Variants in NCAM1 observed in about 807,000 individuals in gnomAD.
NCAM1 encodes neural cell adhesion molecule 1.
In NCAM1, 14 loss-of-function variants were observed where a neutral mutation model predicts 109.8. The observed-to-expected ratio is 0.13, with a 90% CI of 0.08 to 0.20. The LOEUF (loss-of-function observed/expected upper bound fraction) is 0.20, where lower values mean the gene tolerates loss of function less well. Among genes scored for constraint, NCAM1 ranks in the 10% least tolerant of loss-of-function variants. The pLI is 1.00. For missense variants in NCAM1, 774 were observed against 1,109.9 expected, an observed-to-expected ratio of 0.70 and a Z score of 4.30; for synonymous variants, 418 against 442.9, an observed-to-expected ratio of 0.94 and a Z score of 0.70.
chr11:113,271,249 A>G (rs1365078268), intron 18 of NCAM1, among the ~76,000 whole-genome samples: 4 of 151,894 alleles, frequency 2.6e-5, no homozygotes, highest in Admixed American at 2.6e-4. Flanking sequence ...ATGCTCCTGT[A>G]ATCCCAGCTA....
chr11:113,182,096 C>A (rs1472293360), intron 1 of NCAM1, among the ~76,000 whole-genome samples: 1 of 152,166 alleles, frequency 6.6e-6, no homozygotes, highest in African/African-American at 2.4e-5. Context: ...ACACAACTTA[C>A]TGTCCTCAGA....
intron 1 of NCAM1, among the ~76,000 whole-genome samples, chr11:113,135,444 T>TG (rs574221659): frequency 9.1e-4 from 138 of 152,256 alleles, no homozygotes; most frequent in Non-Finnish European, 1.7e-3. Context: ...TGCGATGTGT[T>TG]GAGCCCTTGT....
chr11:113,221,435 A>C, intron 9 of NCAM1, 110 bp downstream of exon 9: 1 of 1,184,150 alleles, frequency 8.4e-7, no homozygotes, highest in Non-Finnish European at 1.2e-6. Context: ...AATTTAGCTA[A>C]AGAATAGGTC....
At chr11:113,040,023 C>A (rs1210112211) in intron 1 of NCAM1, among the ~76,000 whole-genome samples, 1 of 152,116 alleles carries the variant, frequency 6.6e-6, no homozygotes, top group African/African-American at 2.4e-5. Flanking sequence ...CGCCTGTAGT[C>A]CCAGCTACTC....
chr11:113,138,925 C>T (rs1555099932), intron 1 of NCAM1, among the ~76,000 whole-genome samples: 1 of 152,222 alleles, frequency 6.6e-6, no homozygotes, highest in African/African-American at 2.4e-5. Context: ...CCCGACTCAT[C>T]ACAGATGGCC....
intron 1 of NCAM1, among the ~76,000 whole-genome samples, chr11:113,169,524 G>A (rs904394607): frequency 2.0e-5 from 3 of 151,994 alleles, no homozygotes; most frequent in Non-Finnish European, 4.4e-5. Context: ...TATTGTTTAG[G>A]CTCTTGAGTG....
At position 112,962,650 on chromosome 11, in the gene NCAM1, G is replaced by A. The variant is rs1187296436; in HGVS notation, c.52+986G>A. 2.0e-5 allele frequency among the ~76,000 whole-genome samples: 3 copies of A among 152,132 alleles called. No homozygotes were observed. The highest frequency in any genetic ancestry group is 7.2e-5 in the African/African-American group (3 of 41,436). Reference sequence around the variant, plus strand: ...CGCGGGTGGCGGGGGTTGCGCCGCCGCCCAGAGAACCTCGGCAGTGTGCAG... The same window carrying A: ...CGCGGGTGGCGGGGGTTGCGCCGCCACCCAGAGAACCTCGGCAGTGTGCAG... On this transcript the variant is annotated intron_variant, in intron 1 of 19. Coordinates refer to ENST00000316851, the MANE Select transcript of NCAM1 (RefSeq NM_181351.5). The surrounding 1 kb of genome is among the most constrained non-coding windows in gnomAD (Gnocchi z 5.6).
At chr11:113,076,128 G>A (rs939008192) in intron 1 of NCAM1, among the ~76,000 whole-genome samples, 10 of 152,108 alleles carry the variant, frequency 6.6e-5, no homozygotes, top group Admixed American at 6.5e-4. Context: ...TTCTGGCATG[G>A]CTAGGACTCG....
chr11:113,094,989 A>G (rs1591319720), intron 1 of NCAM1, among the ~76,000 whole-genome samples: 1 of 152,164 alleles, frequency 6.6e-6, no homozygotes, highest in Non-Finnish European at 1.5e-5. Flanking sequence ...TGAATGATTA[A>G]TTATTTTATA....
intron 1 of NCAM1, among the ~76,000 whole-genome samples, chr11:113,115,738 A>G (rs1003035907): frequency 1.3e-5 from 2 of 152,224 alleles, no homozygotes; most frequent in African/African-American, 4.8e-5. Flanking sequence ...CTTTATTTAC[A>G]TGCACTAGTC....
chr11:113,270,793 T>G (rs1464035839), intron 18 of NCAM1, among the ~76,000 whole-genome samples: 2 of 152,138 alleles, frequency 1.3e-5, no homozygotes, highest in Non-Finnish European at 2.9e-5. Context: ...CAACAAATAT[T>G]TATCAAGCAG....
intron 1 of NCAM1, among the ~76,000 whole-genome samples, chr11:113,125,025 G>T (rs1941121019): frequency 6.6e-6 from 1 of 152,202 alleles, no homozygotes; most frequent in Non-Finnish European, 1.5e-5. Flanking sequence ...TGTAATGTTT[G>T]TCATTTCTAT....
rs566836457 is a variant in NCAM1 at position 113,144,257 on chromosome 11, C to T, written c.53-58122C>T. Among the ~76,000 whole-genome samples the T allele has an allele frequency of 3.3e-5, 5 of 152,262 alleles. No individual in the cohort carries two copies. In the East Asian group the frequency reaches 9.7e-4, roughly 29 times the overall value. ...TGTAACATAGTGCTCTCCTGATTTC[C>T]TCGTGTGATTATAACTGGTCTTTGT... On this transcript the variant is annotated intron_variant, in intron 1 of 19. Coordinates refer to ENST00000316851, the MANE Select transcript of NCAM1 (RefSeq NM_181351.5).
At chr11:113,203,546 C>A (rs1555112293) in intron 2 of NCAM1, among the ~76,000 whole-genome samples, 1 of 152,240 alleles carries the variant, frequency 6.6e-6, no homozygotes, top group African/African-American at 2.4e-5. Flanking sequence ...AGCTCAGTGT[C>A]CTGGGCAGTT....
intron 1 of NCAM1, among the ~76,000 whole-genome samples, chr11:113,151,967 A>G (rs1555102532): frequency 1.3e-5 from 2 of 152,186 alleles, no homozygotes. Flanking sequence ...AAGGGGATGG[A>G]GGAGGCACAC....
chr11:112,989,140 G>A (rs1474965949), intron 1 of NCAM1, among the ~76,000 whole-genome samples: 3 of 152,084 alleles, frequency 2.0e-5, no homozygotes, highest in Admixed American at 6.6e-5. Flanking sequence ...ATCTAGATGT[G>A]TGTACCTCTT....
intron 1 of NCAM1, among the ~76,000 whole-genome samples, chr11:113,119,775 C>T (rs1171563280): frequency 6.6e-6 from 1 of 152,106 alleles, no homozygotes; most frequent in Non-Finnish European, 1.5e-5. Context: ...TCTGTGCCTA[C>T]ACGTTGAAAT....
At chr11:113,070,980 G>T (rs1938236169) in intron 1 of NCAM1, among the ~76,000 whole-genome samples, 1 of 152,146 alleles carries the variant, frequency 6.6e-6, no homozygotes, top group African/African-American at 2.4e-5. Context: ...GGCAAGCCCT[G>T]TGCTGGTGAG....
At chr11:113,094,562 C>T (rs1171563609) in intron 1 of NCAM1, among the ~76,000 whole-genome samples, 1 of 152,214 alleles carries the variant, frequency 6.6e-6, no homozygotes, top group Non-Finnish European at 1.5e-5. Context: ...TCTCACTCCT[C>T]CTCTGGCAAA....
Sources: allele counts gnomAD v4.1 joint callset (sites outside exome capture counted in the v4.1 genomes callset), GRCh38; gene constraint gnomAD v4.1.1; non-coding constraint Gnocchi (gnomAD v3.1); transcripts MANE v1.5; gene names NCBI Gene and HGNC (gene_info 2026-07-23, HGNC 2026-07-21).